Variants in SYNGR1 observed in about 807,000 individuals in gnomAD.
SYNGR1 encodes synaptogyrin-1.
In SYNGR1, 14 loss-of-function variants were observed where a neutral mutation model predicts 26.1. That is an observed-to-expected ratio of 0.54 (90% CI 0.35 to 0.84). The LOEUF (loss-of-function observed/expected upper bound fraction) is 0.84. Ranked by LOEUF, SYNGR1 falls within the 40% of genes least tolerant of loss-of-function variation. The pLI, the probability that SYNGR1 is intolerant of heterozygous loss-of-function variation, is 0.01. For synonymous variants in SYNGR1, 141 were observed against 150.1 expected, an observed-to-expected ratio of 0.94 and a Z score of 0.44; for missense variants, 319 against 332.9, an observed-to-expected ratio of 0.96 and a Z score of 0.33.
chr22:39,380,209 A>G (rs537997487), intron 3 of SYNGR1, among the ~76,000 whole-genome samples: 8 of 150,942 alleles, frequency 5.3e-5, no homozygotes, highest in African/African-American at 1.9e-4. Context: ...GCGCGGTCAC[A>G]TTGAATAGTC....
chr22:39,356,061 A>G (rs1239389040), intron 1 of SYNGR1, among the ~76,000 whole-genome samples: 1 of 152,014 alleles, frequency 6.6e-6, no homozygotes, highest in East Asian at 1.9e-4. Context: ...AGAAAATGCA[A>G]GTTATTTTTG....
chr22:39,378,942 A>G (rs1925405807), intron 3 of SYNGR1, among the ~76,000 whole-genome samples: 1 of 152,218 alleles, frequency 6.6e-6, no homozygotes, highest in African/African-American at 2.4e-5. Flanking sequence ...AGCCAGAGGC[A>G]TCTCCCTAGA....
chr22:39,376,272 C>T (rs1925279308), intron 3 of SYNGR1, 75 bp downstream of exon 3: 3 of 1,609,920 alleles, frequency 1.9e-6, no homozygotes, highest in Non-Finnish European at 2.5e-6. Context: ...TGGCCTTTCG[C>T]TAGCCTGGGA....
rs888766775 is a variant in SYNGR1 at position 39,384,588 on chromosome 22, G to A, written c.*2674G>A. 7.5e-6 allele frequency: 3 copies of A among 398,648 alleles called. No individual in the cohort carries two copies. Among genetic ancestry groups the A allele is most frequent in the African/African-American group, 2.1e-5 (1 of 48,602 alleles). 24.7% of individuals were successfully genotyped at this position (398,648 alleles called of 1,614,324 possible). ...CCCTGGAAGGTTCATGGGGAAACTC[G>A]CTCCTTCTGTTGGCAGAGGACAGCC... On this transcript the variant is annotated 3_prime_UTR_variant, in exon 4 of 4. Coordinates refer to ENST00000328933, the MANE Select transcript of SYNGR1 (RefSeq NM_004711.5).
intron 1 of SYNGR1, among the ~76,000 whole-genome samples, chr22:39,362,876 A>G (rs10745050): frequency 0.82 from 124,677 of 152,052 alleles, 51,297 homozygotes; most frequent in East Asian, 0.98. Context: ...TACTCCCCTC[A>G]AAGCCTTTCC....
chr22:39,372,045 G>T (rs995852799), intron 1 of SYNGR1, among the ~76,000 whole-genome samples: 1 of 151,966 alleles, frequency 6.6e-6, no homozygotes, highest in South Asian at 2.1e-4. Flanking sequence ...CTGCCTCAGG[G>T]TCTCTCACAA....
chr22:39,379,489 C>T (rs1370641744), intron 3 of SYNGR1: 1 of 152,190 alleles, frequency 6.6e-6, no homozygotes, highest in African/African-American at 2.4e-5. Flanking sequence ...CAAAAATTAG[C>T]TTGGTGTGGT....
chr22:39,378,348 A>T, intron 3 of SYNGR1: 1 of 975,154 alleles, frequency 1.0e-6, no homozygotes, highest in Non-Finnish European at 1.2e-6. Context: ...TAGCACAAGC[A>T]TGCTCAATAA....
At position 39,350,758 on chromosome 22, in the gene SYNGR1, T is replaced by C. The variant is rs1486559799; in HGVS notation, c.99+649T>C. On this transcript the variant is annotated intron_variant, in intron 1 of 3. Transcript: ENST00000328933. The surrounding 1 kb of genome is among the most constrained non-coding windows in gnomAD (Gnocchi z 4.3). ...TTCCGAGGTGGGGAGTGTCATCTCC[T>C]CTCTCATGCCTCAGTTTCCCAATTT... Among the ~76,000 whole-genome samples, 2 of 152,166 alleles carry C rather than the reference T, an allele frequency of 1.3e-5. No individual in the cohort carries two copies. Among genetic ancestry groups the C allele is most frequent in the African/African-American group, 2.4e-5 (1 of 41,448 alleles).
In SYNGR1 at chr22:39,350,798, C is replaced by A. The variant is rs137698; in HGVS notation, c.99+689C>A. ...TTTCCCAATTTATAGACAAGGTGGGCGGAGCCTTCTTGAGGCCCCCTTGGG... is the reference window on the plus strand; with the variant it reads ...TTTCCCAATTTATAGACAAGGTGGGAGGAGCCTTCTTGAGGCCCCCTTGGG... On this transcript the variant is annotated intron_variant, in intron 1 of 3. Coordinates refer to ENST00000328933, the MANE Select transcript of SYNGR1 (RefSeq NM_004711.5). This position sits in a 1 kb window ranked among gnomAD's most constrained non-coding sequence, Gnocchi z 4.3. 0.5 allele frequency among the ~76,000 whole-genome samples: 76,520 copies of A among 151,936 alleles called. 20,051 individuals are homozygous for A. Among genetic ancestry groups the A allele is most frequent in the African/African-American group, 0.58 (24,121 of 41,406 alleles).
intron 1 of SYNGR1, among the ~76,000 whole-genome samples, chr22:39,372,438 CTTTTTTTT>C (rs767314185): frequency 3.7e-5 from 2 of 54,650 alleles, no homozygotes; most frequent in Non-Finnish European, 6.5e-5. Flanking sequence ...ACGCCCAGCT[CTTTTTTTT>C]TTTTTTTTTT....
At chr22:39,372,338 A>T (rs2145626250) in intron 1 of SYNGR1, among the ~76,000 whole-genome samples, 1 of 150,778 alleles carries the variant, frequency 6.6e-6, no homozygotes, top group Non-Finnish European at 1.5e-5. Context: ...TCACCATGTT[A>T]ACCAGGATGG....
At chr22:39,364,961 A>G (rs1287906840) in intron 1 of SYNGR1, among the ~76,000 whole-genome samples, 1 of 150,120 alleles carries the variant, frequency 6.7e-6, no homozygotes, top group African/African-American at 2.5e-5. Context: ...AAGAGGGCGG[A>G]AAAAAACCAA....
At chr22:39,370,106 C>T (rs777638484) in intron 1 of SYNGR1, among the ~76,000 whole-genome samples, 6 of 151,972 alleles carry the variant, frequency 3.9e-5, no homozygotes, top group Non-Finnish European at 5.9e-5. Flanking sequence ...TAGCTGGGAC[C>T]ACAGGTGCAT....
intron 1 of SYNGR1, among the ~76,000 whole-genome samples, chr22:39,365,680 T>C (rs1924711597): frequency 6.6e-6 from 1 of 152,122 alleles, no homozygotes; most frequent in African/African-American, 2.4e-5. Flanking sequence ...TGCTTCTGTA[T>C]CCTCAGTGAT....
intron 1 of SYNGR1, among the ~76,000 whole-genome samples, chr22:39,362,256 C>G (rs1389884585): frequency 6.6e-6 from 1 of 152,148 alleles, no homozygotes; most frequent in African/African-American, 2.4e-5. Context: ...ATCACCCAGG[C>G]CCAGCCTCAG....
intron 1 of SYNGR1, among the ~76,000 whole-genome samples, chr22:39,362,870 C>A (rs1747658004): frequency 6.6e-6 from 1 of 152,154 alleles, no homozygotes; most frequent in African/African-American, 2.4e-5. Context: ...GCTGTCTACT[C>A]CCCTCAAAGC....
intron 1 of SYNGR1, among the ~76,000 whole-genome samples, chr22:39,360,067 G>T (rs1046997316): frequency 6.6e-6 from 1 of 152,052 alleles, no homozygotes; most frequent in Non-Finnish European, 1.5e-5. Context: ...CATCACACTC[G>T]CCTGGCACAG....
Position 39,381,930 on chromosome 22 carries a change from T to A in SYNGR1, c.*16T>A, listed in dbSNP as rs1327178667. ...GGGCTACTGAGCCACAGTGACCGCC[T>A]GCCCCCGCCCCTCCCCATCTGTCCC... On this transcript the variant is annotated 3_prime_UTR_variant, in exon 4 of 4. Coordinates refer to ENST00000328933, the MANE Select transcript of SYNGR1 (RefSeq NM_004711.5). The A allele has an allele frequency of 6.3e-7, 1 of 1,585,194 alleles. No individual in the cohort carries two copies. Among genetic ancestry groups the A allele is most frequent in the African/African-American group, 1.4e-5 (1 of 74,000 alleles).
Sources: allele counts gnomAD v4.1 joint callset (sites outside exome capture counted in the v4.1 genomes callset), GRCh38; gene constraint gnomAD v4.1.1; non-coding constraint Gnocchi (gnomAD v3.1); transcripts MANE v1.5; gene names NCBI Gene and HGNC (gene_info 2026-07-23, HGNC 2026-07-21).